ACOT7: variants seen among roughly 807,000 people sequenced by gnomAD.
ACOT7 encodes cytosolic acyl coenzyme A thioester hydrolase.
A neutral mutation model predicts 40.2 loss-of-function variants in ACOT7; 12 were observed. That is an observed-to-expected ratio of 0.30 (90% CI 0.19 to 0.48). The LOEUF (loss-of-function observed/expected upper bound fraction) is 0.48, where lower values mean the gene tolerates loss of function less well. Among genes scored for constraint, ACOT7 ranks in the 20% least tolerant of loss-of-function variants. The pLI, the probability that ACOT7 is intolerant of heterozygous loss-of-function variation, is 0.99. For synonymous variants in ACOT7, 228 were observed against 219.5 expected (o/e 1.04, Z -0.34); for missense variants, 395 against 530.8 (o/e 0.74, Z 2.51).
Position 6,358,788 on chromosome 1 carries a change from C to G in ACOT7, c.144-8922G>C. On this transcript the variant is annotated intron_variant, in intron 1 of 8. Transcript: ENST00000361521. This position sits in a 1 kb window ranked among gnomAD's most constrained non-coding sequence, Gnocchi z 4.1. Reference sequence around the variant, plus strand: ...TCCCTAAACAATCCACCCACAGTGGCCCCTGCACGGCCTAGACATGCCCAT... The same window carrying G: ...TCCCTAAACAATCCACCCACAGTGGGCCCTGCACGGCCTAGACATGCCCAT... 1 of 1,599,114 alleles carries G rather than the reference C, an allele frequency of 6.3e-7. No individual in the cohort carries two copies. The highest frequency in any genetic ancestry group is 8.6e-7 in the Non-Finnish European group (1 of 1,166,488).
rs1286500535 is a variant in ACOT7, at chr1:6,306,506, C to A, written c.713-11526G>T. On this transcript the variant is annotated intron_variant, in intron 6 of 8. Transcript: ENST00000361521. The surrounding 1 kb of genome is among the most constrained non-coding windows in gnomAD (Gnocchi z 4.3). ...AGTTCACCAGTCCCCACGTCCCGCTCCCCCGCTGAAGCATCAGGATGGACG... is the reference window on the plus strand; with the variant it reads ...AGTTCACCAGTCCCCACGTCCCGCTACCCCGCTGAAGCATCAGGATGGACG... 8.1e-6 allele frequency: 8 copies of A among 985,364 alleles called. No individual in the cohort carries two copies. Among genetic ancestry groups the A allele is most frequent in the Non-Finnish European group, 9.6e-6 (8 of 829,918 alleles). The allele number at this position is 985,364 out of a possible 1,614,324, so 61.0% of individuals were successfully genotyped here. A position where few individuals can be genotyped will look rare whatever the true frequency, so the allele number is the denominator to read the frequency against.
intron 1 of ACOT7, among the ~76,000 whole-genome samples, chr1:6,391,367 G>A (rs769678797): frequency 2.4e-4 from 37 of 152,110 alleles, no homozygotes; most frequent in Non-Finnish European, 4.0e-4. Context: ...TTAGCCAGGC[G>A]TGGTGGCGCA....
chr1:6,361,978 C>A (rs1239610666), intron 1 of ACOT7, among the ~76,000 whole-genome samples: 1 of 152,218 alleles, frequency 6.6e-6, no homozygotes, highest in East Asian at 1.9e-4. Context: ...TGGCAGAGAT[C>A]TGCAGATGTG....
In ACOT7 at chr1:6,296,322, C is replaced by G. The variant is rs1411371825; in HGVS notation, c.713-1342G>C. On this transcript the variant is annotated intron_variant, in intron 6 of 8. Coordinates refer to ENST00000361521, the MANE Select transcript of ACOT7 (RefSeq NM_007274.4). ...CTCGGGCTGCAGATGTCCGCTTTTA[C>G]TCAGTCTCTCTTATTTGATGGACCA... Among the ~76,000 whole-genome samples, 3 of 152,230 alleles carry G rather than the reference C, an allele frequency of 2.0e-5. No individual in the cohort carries two copies. In the East Asian group the frequency reaches 5.8e-4, roughly 29 times the overall value.
chr1:6,305,454 C>G (rs576797933), intron 6 of ACOT7, among the ~76,000 whole-genome samples: 1 of 151,608 alleles, frequency 6.6e-6, no homozygotes, highest in East Asian at 2.0e-4. Flanking sequence ...CGGGTGGAGA[C>G]GCTCCTCACT....
Position 6,289,922 on chromosome 1 carries a change from C to T in ACOT7, c.829+4942G>A, listed in dbSNP as rs374268009. 1.3e-5 allele frequency among the ~76,000 whole-genome samples: 2 copies of T among 152,180 alleles called. No individual in the cohort carries two copies. Among genetic ancestry groups the T allele is most frequent in the African/African-American group, 4.8e-5 (2 of 41,438 alleles). On this transcript the variant is annotated intron_variant, in intron 7 of 8. Coordinates refer to ENST00000361521, the MANE Select transcript of ACOT7 (RefSeq NM_007274.4). This position sits in a 1 kb window ranked among gnomAD's most constrained non-coding sequence, Gnocchi z 4.6. Reference sequence around the variant, plus strand: ...CAGAATAATGTGCTCCCAAAAGATGCCCACACCCAAATCCACTGAACCTGT... The same window carrying T: ...CAGAATAATGTGCTCCCAAAAGATGTCCACACCCAAATCCACTGAACCTGT...
chr1:6,331,763 C>T lies in ACOT7; in HGVS notation c.510+1714G>A, dbSNP rs142417080. On this transcript the variant is annotated intron_variant, in intron 4 of 8. Coordinates refer to ENST00000361521, the MANE Select transcript of ACOT7 (RefSeq NM_007274.4). ...CACCAAGATTAAAAAAAAACAAAACCTAGGCCAAACAGCAGCTGGACCCGG... is the reference window on the plus strand; with the variant it reads ...CACCAAGATTAAAAAAAAACAAAACTTAGGCCAAACAGCAGCTGGACCCGG... Among the ~76,000 whole-genome samples the T allele has an allele frequency of 4.5e-3, 686 of 152,318 alleles. 9 individuals carry two copies. Among genetic ancestry groups the T allele is most frequent in the African/African-American group, 0.016 (645 of 41,562 alleles).
chr1:6,309,080 C>T (rs1446088469), intron 6 of ACOT7, among the ~76,000 whole-genome samples: 2 of 152,220 alleles, frequency 1.3e-5, no homozygotes, highest in Non-Finnish European at 2.9e-5. Context: ...CCCAGGTGTG[C>T]ACACTGTGAC....
intron 1 of ACOT7, among the ~76,000 whole-genome samples, chr1:6,379,591 G>A (rs1642297496): frequency 6.6e-6 from 1 of 151,594 alleles, no homozygotes; most frequent in African/African-American, 2.4e-5. Context: ...AGCCTCCCAA[G>A]TAGCTGGTAC....
In ACOT7 at chr1:6,368,779, G is replaced by A. The variant is rs563696030; in HGVS notation, c.144-18913C>T. Among the ~76,000 whole-genome samples, 22 of 152,282 alleles carry A rather than the reference G, an allele frequency of 1.4e-4. No homozygotes were observed. The East Asian group carries it at 1.5e-3, about 11-fold the overall frequency. ...ATGGGGGCGGTGCAGTCAGCTGCCC[G>A]GGGAATGCAGGGCACAGGGGACCCA... is the stretch of plus-strand genomic sequence containing the variant. On this transcript the variant is annotated intron_variant, in intron 1 of 8. Coordinates refer to ENST00000361521, the MANE Select transcript of ACOT7 (RefSeq NM_007274.4).
chr1:6,308,992 T>C (rs1373340172), intron 6 of ACOT7, among the ~76,000 whole-genome samples: 2 of 152,084 alleles, frequency 1.3e-5, no homozygotes, highest in Non-Finnish European at 2.9e-5. Context: ...TGGCCACTAT[T>C]TTCTGCCATG....
At chr1:6,360,328 G>A (rs1213377892) in intron 1 of ACOT7, among the ~76,000 whole-genome samples, 1 of 152,188 alleles carries the variant, frequency 6.6e-6, no homozygotes, top group Non-Finnish European at 1.5e-5. Context: ...GCTAACCCTG[G>A]CTGAAAATGC....
rs909592178 is a variant in ACOT7 at position 6,274,809 on chromosome 1, C to A, written c.1014+6293G>T. ...GCTGAAGCAAAGGCCCTGGGCTGAG[C>A]GCGGTGTGGGTGGGCGGCGCAGTGC... On this transcript the variant is annotated intron_variant, in intron 8 of 8. Transcript: ENST00000361521. The surrounding 1 kb of genome is among the most constrained non-coding windows in gnomAD (Gnocchi z 5.9). Among the ~76,000 whole-genome samples the A allele has an allele frequency of 6.6e-6, 1 of 152,174 alleles. No individual in the cohort carries two copies. Among genetic ancestry groups the A allele is most frequent in the Non-Finnish European group, 1.5e-5 (1 of 68,010 alleles).
At chr1:6,269,353 G>A (rs1470132333) in intron 8 of ACOT7, among the ~76,000 whole-genome samples, 10 of 152,184 alleles carry the variant, frequency 6.6e-5, no homozygotes, top group Non-Finnish European at 1.0e-4. Flanking sequence ...ACCTCACCCC[G>A]GCCCTCGGCA....
intron 2 of ACOT7, among the ~76,000 whole-genome samples, chr1:6,345,599 G>T (rs1641398240): frequency 6.6e-6 from 1 of 152,254 alleles, no homozygotes; most frequent in African/African-American, 2.4e-5. Flanking sequence ...GCGGGGATAA[G>T]GCAATTGACA....
Position 6,315,753 on chromosome 1 carries a change from TA to T in ACOT7, c.712+2738del, listed in dbSNP as rs61115908. ...GTGGGCGACAGAGTGAGACTCTGTC[TA>T]AAAAAAAAAAAAAAAAAAAAAAAAA... On this transcript the variant is annotated intron_variant, in intron 6 of 8. Transcript: ENST00000361521. 6.8e-3 allele frequency among the ~76,000 whole-genome samples: 572 copies of T among 83,542 alleles called. 3 individuals carry two copies. Among genetic ancestry groups the T allele is most frequent in the Middle Eastern group, 0.018 (3 of 170 alleles). 54.8% of individuals were successfully genotyped at this position (83,542 alleles called of 152,430 possible). A position where few individuals can be genotyped will look rare whatever the true frequency, so the allele number is the denominator to read the frequency against.
At chr1:6,349,071 T>C (rs1335527217) in intron 2 of ACOT7, among the ~76,000 whole-genome samples, 1 of 151,972 alleles carries the variant, frequency 6.6e-6, no homozygotes, top group East Asian at 1.9e-4. Context: ...AGGGCTGGCT[T>C]CCCCCCAACA....
At chr1:6,392,972 C>A (rs992945120) in intron 1 of ACOT7, among the ~76,000 whole-genome samples, 5 of 152,128 alleles carry the variant, frequency 3.3e-5, no homozygotes, top group Non-Finnish European at 7.4e-5. Flanking sequence ...CCCGCCCCGT[C>A]CCTGCCTGGC....
intron 7 of ACOT7, among the ~76,000 whole-genome samples, chr1:6,290,853 C>T (rs571275017): frequency 7.2e-5 from 11 of 152,194 alleles, no homozygotes; most frequent in South Asian, 6.2e-4. Context: ...AGTCAGGGTC[C>T]GGAGCTAGCC....
Sources: allele counts gnomAD v4.1 joint callset (sites outside exome capture counted in the v4.1 genomes callset), GRCh38; gene constraint gnomAD v4.1.1; non-coding constraint Gnocchi (gnomAD v3.1); transcripts MANE v1.5; gene names NCBI Gene and HGNC (gene_info 2026-07-23, HGNC 2026-07-21).